The following EFCAB8 variants were observed in gnomAD, a reference collection of about 807,000 sequenced individuals.
EFCAB8 encodes EF-hand calcium-binding domain-containing protein 8.
In EFCAB8, 100 loss-of-function variants were observed where a neutral mutation model predicts 116.3. The ratio of observed to expected loss-of-function variants is 0.86; its 90% CI spans 0.73 to 1.02. The LOEUF (loss-of-function observed/expected upper bound fraction) is 1.02, where lower values mean the gene tolerates loss of function less well. Among genes scored for constraint, EFCAB8 ranks in the 50% least tolerant of loss-of-function variants. The pLI is 0.00. For missense variants in EFCAB8, 1,320 were observed against 1,416.9 expected, an observed-to-expected ratio of 0.93 and a Z score of 1.10; for synonymous variants, 558 against 567.9, an observed-to-expected ratio of 0.98 and a Z score of 0.25.
intron 7 of EFCAB8, 31 bp downstream of exon 7, chr20:32,889,437 C>A (rs1237344989): frequency 6.5e-7 from 1 of 1,537,958 alleles, no homozygotes; most frequent in Admixed American, 2.0e-5. Flanking sequence ...CAGCTCTGCT[C>A]TCAGCCACTG....
At chr20:32,913,791 G>C (rs1433801492) in intron 17 of EFCAB8, among the ~76,000 whole-genome samples, 1 of 152,214 alleles carries the variant, frequency 6.6e-6, no homozygotes, top group African/African-American at 2.4e-5. Context: ...AAGAAAGGAG[G>C]GACAGGTCCT....
intron 20 of EFCAB8, among the ~76,000 whole-genome samples, chr20:32,921,515 C>T (rs978841744): frequency 1.3e-5 from 2 of 151,918 alleles, no homozygotes; most frequent in Non-Finnish European, 2.9e-5. Context: ...TATACCCAGC[C>T]TCTTCCTTCT....
chr20:32,957,921 A>C (rs1989024033), intron 23 of EFCAB8, among the ~76,000 whole-genome samples: 1 of 147,284 alleles, frequency 6.8e-6, no homozygotes, highest in East Asian at 2.0e-4. Flanking sequence ...TACCTGTTTT[A>C]TTTTTCTTAA....
At chr20:32,874,191 G>C (rs906917331) in intron 3 of EFCAB8, among the ~76,000 whole-genome samples, 3 of 151,358 alleles carry the variant, frequency 2.0e-5, no homozygotes, top group Non-Finnish European at 4.4e-5. Context: ...AAAGTACTGG[G>C]ATTATAGGTG....
intron 1 of EFCAB8, among the ~76,000 whole-genome samples, chr20:32,863,279 CT>C (rs1182962126): frequency 2.0e-5 from 3 of 152,154 alleles, no homozygotes; most frequent in South Asian, 2.1e-4. Context: ...TAGAAACGTT[CT>C]CTTTATATTC....
intron 23 of EFCAB8, among the ~76,000 whole-genome samples, chr20:32,953,877 C>G (rs951636569): frequency 1.6e-4 from 24 of 152,314 alleles, no homozygotes; most frequent in Middle Eastern, 6.8e-3. Flanking sequence ...ATGGTGCCAT[C>G]TCAGCTCACT....
intron 11 of EFCAB8, among the ~76,000 whole-genome samples, chr20:32,902,428 A>G (rs750177511): frequency 2.6e-5 from 4 of 152,168 alleles, no homozygotes; most frequent in Non-Finnish European, 5.9e-5. Context: ...TGACAGAGCA[A>G]GACCCTGTCT....
chr20:32,890,054 C>T (rs1219358227), intron 7 of EFCAB8, among the ~76,000 whole-genome samples: 1 of 151,544 alleles, frequency 6.6e-6, no homozygotes, highest in African/African-American at 2.4e-5. Context: ...CTGATGCCCC[C>T]AAAGGCAGGA....
intron 3 of EFCAB8, among the ~76,000 whole-genome samples, chr20:32,875,451 G>A (rs1239369530): frequency 2.0e-5 from 3 of 149,998 alleles, no homozygotes; most frequent in African/African-American, 7.3e-5. Context: ...GGACCGTAGG[G>A]GAGGCAGCAC....
chr20:32,891,342 C>G (rs1436218632), intron 7 of EFCAB8, among the ~76,000 whole-genome samples: 1 of 152,086 alleles, frequency 6.6e-6, no homozygotes, highest in Non-Finnish European at 1.5e-5. Context: ...GTTGGCTCAT[C>G]AGGTGTCTGG....
rs1986835388 is a variant in EFCAB8 at position 32,909,814 on chromosome 20, C to T, written c.1447-7C>T. On this transcript the variant is annotated splice_polypyrimidine_tract_variant and splice_region_variant and intron_variant, in intron 14 of 26. Coordinates refer to ENST00000400522, the MANE Select transcript of EFCAB8 (RefSeq NM_001143967.2). ...GACAAGCTCTCTGCCCCTTTCCTCA[C>T]CTACAGATCGGGATCCTAAAAGGGT... The T allele has an allele frequency of 8.0e-7, 1 of 1,242,978 alleles. No homozygotes were observed. The highest frequency in any genetic ancestry group is 4.1e-5 in the South Asian group (1 of 24,276). The allele number at this position is 1,242,978 out of a possible 1,614,324, so 77.0% of individuals were successfully genotyped here.
chr20:32,917,101 A>C, intron 17 of EFCAB8, 200 bp from the exon 18 acceptor site: 1 of 583,598 alleles, frequency 1.7e-6, no homozygotes, highest in South Asian at 2.1e-5. Flanking sequence ...TAAAGCCCCT[A>C]CAACAGGGCC....
rs1343801741 is a variant in EFCAB8 at position 32,930,508 on chromosome 20, G to C, written c.2523G>C (p.Leu841=). 1 of 1,552,138 alleles carries C rather than the reference G, an allele frequency of 6.4e-7. No individual in the cohort carries two copies. Among genetic ancestry groups the C allele is most frequent in the African/African-American group, 1.4e-5 (1 of 73,058 alleles). Residue 841 remains leucine (L), a synonymous_variant, in exon 21 of 27, where the codon CTG becomes CTC. Coordinates refer to ENST00000400522, the MANE Select transcript of EFCAB8 (RefSeq NM_001143967.2). ...AWSLHENGGL[L]GKFPVDLDNG... is the part of the protein sequence containing the mutation. ...CCCTCCATGAGAATGGAGGCCTGCT[G>C]GGGAAGTTCCCTGTGGACCTAGACA...
chr20:32,897,609 A>C (rs1986225384), intron 10 of EFCAB8, among the ~76,000 whole-genome samples: 1 of 151,524 alleles, frequency 6.6e-6, no homozygotes, highest in Non-Finnish European at 1.5e-5. Context: ...CTAATTTTTT[A>C]ATTCTTTTTT....
chr20:32,859,383 GCCTTCCCTTC>G (rs1035781449), intron 1 of EFCAB8, among the ~76,000 whole-genome samples: 5 of 152,144 alleles, frequency 3.3e-5, no homozygotes, highest in Admixed American at 3.3e-4. Flanking sequence ...TTACATCTCA[GCCTTCCCTTC>G]CTTCCCTTCA....
chr20:32,944,498 T>A (rs1222969196), intron 23 of EFCAB8, among the ~76,000 whole-genome samples: 1 of 152,176 alleles, frequency 6.6e-6, no homozygotes, highest in East Asian at 1.9e-4. Flanking sequence ...AAGTGACTTA[T>A]GTGCCACTAT....
rs1033860674 is a variant in EFCAB8, at chr20:32,959,988, G to T, written c.3294+6G>T. On this transcript the variant is annotated splice_donor_region_variant and intron_variant, in intron 25 of 26. Transcript: ENST00000400522. ...GGGAGTCCAGGGACAAGCAGGTGAG[G>T]CTGGGAGGGGAGCACAGGGAGGAGT... 6.4e-7 allele frequency: 1 copy of T among 1,551,602 alleles called. No individual in the cohort carries two copies. The highest frequency in any genetic ancestry group is 8.7e-7 in the Non-Finnish European group (1 of 1,146,926).
chr20:32,920,656 C>T (rs1987407756), intron 20 of EFCAB8, among the ~76,000 whole-genome samples: 1 of 152,108 alleles, frequency 6.6e-6, no homozygotes, highest in East Asian at 1.9e-4. Flanking sequence ...AAGGACCAGC[C>T]CCCATGATTC....
chr20:32,960,903 GC>G (rs1376846651), intron 26 of EFCAB8, among the ~76,000 whole-genome samples: 1 of 152,226 alleles, frequency 6.6e-6, no homozygotes, highest in Admixed American at 6.5e-5. Context: ...TCACAGAGTT[GC>G]CACAAGCGCC....
Sources: gnomAD v4.1 joint callset for allele counts (sites outside exome capture counted in the v4.1 genomes callset) on GRCh38, gnomAD v4.1.1 for gene constraint, MANE v1.5 for transcripts, NCBI Gene and HGNC (gene_info 2026-07-23, HGNC 2026-07-21) for gene names.